Variants in PARP12 observed in about 807,000 individuals in gnomAD.
PARP12 encodes the protein poly(ADP-ribose) polymerase family member 12.
A neutral mutation model predicts 72.4 loss-of-function variants in PARP12; 59 were observed. That is an observed-to-expected ratio of 0.81 (90% CI 0.66 to 1.01). The LOEUF (loss-of-function observed/expected upper bound fraction) is 1.01. PARP12 is among the 50% of genes least tolerant of loss of function. PARP12 has a pLI of 0.00. For missense variants in PARP12, 851 were observed against 914.0 expected (o/e 0.93, Z 0.89); for synonymous variants, 403 against 371.4 (o/e 1.09, Z -0.98).
intron 5 of PARP12, among the ~76,000 whole-genome samples, chr7:140,044,529 G>C (rs1043592334): frequency 1.3e-5 from 2 of 152,170 alleles, no homozygotes; most frequent in Admixed American, 1.3e-4. Flanking sequence ...CCTTCAGACA[G>C]AGCAAGGCCC....
intron 6 of PARP12, chr7:140,038,330 T>G (rs1443661994): frequency 1.5e-5 from 15 of 978,178 alleles, no homozygotes; most frequent in Non-Finnish European, 1.6e-5. Context: ...ATTCATCTAT[T>G]TTTTAAATTA....
In PARP12 at chr7:140,062,655, C is replaced by T. The variant is rs1374408233; in HGVS notation, c.193G>A (p.Val65Met). The T allele has an allele frequency of 1.5e-6, 2 of 1,366,584 alleles. No individual in the cohort carries two copies. The highest frequency in any genetic ancestry group is 1.9e-6 in the Non-Finnish European group (2 of 1,060,174). The allele number at this position is 1,366,584 out of a possible 1,614,324, so 84.7% of individuals were successfully genotyped here. A position where few individuals can be genotyped will look rare whatever the true frequency, so the allele number is the denominator to read the frequency against. Residue 65 changes from valine (V) to methionine (M), a missense_variant, in exon 1 of 12, where the codon GTG becomes ATG. Val to Met is a conservative substitution (Grantham distance 21, BLOSUM62 1). Around this residue, in one of 3 missense-constraint regions of PARP12, gnomAD observed 492 missense variants for 489.3 expected, o/e 1.01. Coordinates refer to ENST00000263549, the MANE Select transcript of PARP12 (RefSeq NM_022750.4). ...AGGAAAAPER[V>M]VLAASPLRLC... ...CGCAGCGGCGAGGCGGCCAGCACCA[C>T]GCGCTCCGGGGCCGCGGCTGCGCCG...
At chr7:140,033,825 C>T (rs1409801610) in intron 8 of PARP12, 1 of 987,118 alleles carries the variant, frequency 1.0e-6, no homozygotes, top group Admixed American at 6.1e-5. Context: ...TTTTGGTATT[C>T]CGTGATATTC....
At chr7:140,040,220 C>G (rs1332711509) in intron 6 of PARP12, among the ~76,000 whole-genome samples, 1 of 152,214 alleles carries the variant, frequency 6.6e-6, no homozygotes, top group Non-Finnish European at 1.5e-5. Context: ...ATCCTCTCCC[C>G]CTCCTCCATG....
At chr7:140,048,354 T>C (rs1004423858) in intron 4 of PARP12, among the ~76,000 whole-genome samples, 2 of 152,128 alleles carry the variant, frequency 1.3e-5, no homozygotes, top group African/African-American at 4.8e-5. Flanking sequence ...GCCCTGTCTT[T>C]GCTGGTGCCT....
intron 4 of PARP12, among the ~76,000 whole-genome samples, chr7:140,052,768 G>A (rs540062361): frequency 1.3e-5 from 2 of 150,024 alleles, no homozygotes; most frequent in South Asian, 2.1e-4. Flanking sequence ...GTGTGTGTGT[G>A]TAAAGCTGTT....
Position 140,037,862 on chromosome 7 carries a change from A to G in PARP12, c.1183-6T>C. 1 of 1,602,552 alleles carries G rather than the reference A, an allele frequency of 6.2e-7. No individual in the cohort carries two copies. Among genetic ancestry groups the G allele is most frequent in the Non-Finnish European group, 8.5e-7 (1 of 1,170,636 alleles). On this transcript the variant is annotated splice_polypyrimidine_tract_variant and splice_region_variant and intron_variant, in intron 6 of 11. Transcript: ENST00000263549. ...GTCACAGGGTGCACCGTGCCCTGCG[A>G]TGGAAAGCCAGACACTTTATGAAGG...
intron 2 of PARP12, 34 bp from the exon 3 acceptor site, chr7:140,057,187 G>C: frequency 6.3e-7 from 1 of 1,588,498 alleles, no homozygotes; most frequent in Non-Finnish European, 8.6e-7. Flanking sequence ...CACCAGTTCA[G>C]GAAGGTCTCA....
Position 140,024,588 on chromosome 7 carries a change from A to G in PARP12, c.2078T>C (p.Leu693Ser). 1 of 1,614,226 alleles carries G rather than the reference A, an allele frequency of 6.2e-7. No homozygotes were observed. Among genetic ancestry groups the G allele is most frequent in the Non-Finnish European group, 8.5e-7 (1 of 1,180,048 alleles). ...PSVTPSILLALGSLFSSRQ is the reference protein window; with the variant it reads ...PSVTPSILLASGSLFSSRQ The stretch of plus-strand genomic sequence containing the variant: ...CTGTCGGCTGCTGAACAGGGAGCCC[A>G]AGGCCAGCAGGATGGAGGGTGTGAC... The change falls in exon 12 of 12, where the codon TTG becomes TCG. Residue 693 changes from leucine to serine, a missense_variant. Physicochemically the swap from Leu to Ser is moderately radical, Grantham distance 145. Around this residue, in one of 3 missense-constraint regions of PARP12, gnomAD observed 347 missense variants for 396.1 expected, o/e 0.88. Coordinates refer to ENST00000263549, the MANE Select transcript of PARP12 (RefSeq NM_022750.4).
intron 5 of PARP12, among the ~76,000 whole-genome samples, chr7:140,044,702 G>A (rs1170512418): frequency 6.6e-6 from 1 of 152,164 alleles, no homozygotes; most frequent in Non-Finnish European, 1.5e-5. Flanking sequence ...AGAAGCAATG[G>A]AATCCAGACA....
intron 11 of PARP12, chr7:140,025,251 T>C (rs1018913774): frequency 1.6e-5 from 5 of 303,562 alleles, no homozygotes; most frequent in African/African-American, 4.3e-5. Context: ...AGGGTTGGCA[T>C]GGAAAATGAA....
Position 140,041,812 on chromosome 7 carries a change from G to C in PARP12, c.1014C>G (p.Thr338=). 6.2e-7 allele frequency: 1 copy of C among 1,613,964 alleles called. No individual in the cohort carries two copies. The part of the protein sequence containing the change: ...ERILCSESAS[T]FHSHCLNFNA... Reference sequence around the variant, plus strand: ...TAAAGTTCAGACAATGAGAGTGAAAGGTACTGGCTGACTCAGAGCACAGGA... The same window carrying C: ...TAAAGTTCAGACAATGAGAGTGAAACGTACTGGCTGACTCAGAGCACAGGA... The change falls in exon 6 of 12, where the codon ACC becomes ACG. Residue 338 remains threonine, a synonymous_variant. Transcript: ENST00000263549.
rs112784307 is a variant in PARP12, at chr7:140,034,086, T to C, written c.1421+149A>G. On this transcript the variant is annotated intron_variant, in intron 8 of 11. Transcript: ENST00000263549. ...GTAATTCCCACTCTGGTCCAACTAG[T>C]AGAAGACAAACGATAACAGAGTGTG... 65 of 1,347,034 alleles carry C rather than the reference T, an allele frequency of 4.8e-5. 1 individual carries two copies. In the African/African-American group the frequency reaches 8.4e-4, roughly 17 times the overall value. 83.4% of individuals were successfully genotyped at this position (1,347,034 alleles called of 1,614,324 possible). A position where few individuals can be genotyped will look rare whatever the true frequency, so the allele number is the denominator to read the frequency against.
At chr7:140,051,723 G>T (rs1017315131) in intron 4 of PARP12, among the ~76,000 whole-genome samples, 1 of 152,130 alleles carries the variant, frequency 6.6e-6, no homozygotes, top group Non-Finnish European at 1.5e-5. Context: ...ACAAAAAGAA[G>T]TCAGAAAGAG....
At position 140,062,684 on chromosome 7, in the gene PARP12, G is replaced by A. The variant is rs1480550383; in HGVS notation, c.164C>T (p.Ala55Val). The change falls in exon 1 of 12, where the codon GCG becomes GTG. Residue 55 changes from alanine to valine, a missense_variant. Transcript: ENST00000263549. Reference sequence around the variant, plus strand: ...CTCCGGGGCCGCGGCTGCGCCGCCCGCCCGCACCGCCACCACGAAGCGCCC... The same window carrying A: ...CTCCGGGGCCGCGGCTGCGCCGCCCACCCGCACCGCCACCACGAAGCGCCC... ...QRGRFVVAVR[A>V]GGAAAAPERV... 8 of 1,283,498 alleles carry A rather than the reference G, an allele frequency of 6.2e-6. No homozygotes were observed. In the East Asian group the frequency reaches 1.7e-4, roughly 28 times the overall value. 79.5% of individuals were successfully genotyped at this position (1,283,498 alleles called of 1,614,324 possible). A position where few individuals can be genotyped will look rare whatever the true frequency, so the allele number is the denominator to read the frequency against.
At chr7:140,062,491 G>A in intron 1 of PARP12, 31 bp downstream of exon 1, 2 of 1,513,706 alleles carry the variant, frequency 1.3e-6, no homozygotes, top group East Asian at 2.6e-5. Flanking sequence ...CAGGACCTCC[G>A]CCCGCCGTCG....
chr7:140,031,613 T>C (rs1405417088), intron 8 of PARP12, among the ~76,000 whole-genome samples: 1 of 152,200 alleles, frequency 6.6e-6, no homozygotes, highest in Non-Finnish European at 1.5e-5. Flanking sequence ...GAACACTTCA[T>C]CTGTGTGAAC....
intron 7 of PARP12, among the ~76,000 whole-genome samples, chr7:140,036,703 G>C (rs1345058440): frequency 2.0e-5 from 3 of 152,062 alleles, no homozygotes; most frequent in Non-Finnish European, 4.4e-5. Context: ...ATAAAATGCT[G>C]AACATTCAGA....
At chr7:140,037,084 A>T (rs1282296278) in intron 7 of PARP12, among the ~76,000 whole-genome samples, 1 of 152,238 alleles carries the variant, frequency 6.6e-6, no homozygotes, top group African/African-American at 2.4e-5. Flanking sequence ...GCAAACTGGG[A>T]GGCCAAGGTG....
Sources: gnomAD v4.1 joint callset for allele counts (sites outside exome capture counted in the v4.1 genomes callset) on GRCh38, gnomAD v4.1.1 for gene constraint, gnomAD v4.1.1 regional missense constraint, MANE v1.5 for transcripts, NCBI Gene and HGNC (gene_info 2026-07-23, HGNC 2026-07-21) for gene names.